Variants in JHY observed in about 807,000 individuals in gnomAD.
JHY encodes the protein junctional cadherin complex regulator, also known as jhy protein homolog.
JHY carries 69 observed loss-of-function variants against 78.0 expected under a neutral mutation model. That is an observed-to-expected ratio of 0.88 (90% CI 0.73 to 1.08). The LOEUF is 1.08. JHY is among the 50% of genes least tolerant of loss of function. The pLI, the probability that JHY is intolerant of heterozygous loss-of-function variation, is 0.00. For synonymous variants in JHY, 368 were observed against 342.6 expected (o/e 1.07, Z -0.82); for missense variants, 944 against 927.8 (o/e 1.02, Z -0.23).
intron 1 of JHY, among the ~76,000 whole-genome samples, chr11:122,885,370 G>A (rs562072567): frequency 9.9e-5 from 15 of 152,078 alleles, no homozygotes; most frequent in Non-Finnish European, 1.5e-4. Context: ...GAATAACTAC[G>A]GACCATATTT....
chr11:122,886,496 G>A (rs549819496), intron 2 of JHY, among the ~76,000 whole-genome samples: 118 of 152,344 alleles, frequency 7.7e-4, no homozygotes, highest in Non-Finnish European at 1.5e-3. Context: ...AGAAAGCCGG[G>A]TATGGAAAAG....
At chr11:122,939,997 G>C (rs571542014) in intron 5 of JHY, among the ~76,000 whole-genome samples, 15 of 148,712 alleles carry the variant, frequency 1.0e-4, no homozygotes, top group African/African-American at 3.7e-4. Flanking sequence ...CCAGTATTCA[G>C]TGTTCATACA....
intron 6 of JHY, 27 bp downstream of exon 6, chr11:122,946,819 T>C (rs772414572): frequency 6.3e-7 from 1 of 1,580,892 alleles, no homozygotes; most frequent in Non-Finnish European, 8.6e-7. Context: ...TTTTACCAAG[T>C]AACTCTTCCA....
At chr11:122,910,757 T>G (rs926891469) in intron 3 of JHY, among the ~76,000 whole-genome samples, 34 of 152,226 alleles carry the variant, frequency 2.2e-4, no homozygotes, top group African/African-American at 7.7e-4. Context: ...CACCCCTGAT[T>G]GCTAACCTCC....
At chr11:122,954,099 T>C (rs949630252) in intron 6 of JHY, among the ~76,000 whole-genome samples, 1 of 152,242 alleles carries the variant, frequency 6.6e-6, no homozygotes, top group African/African-American at 2.4e-5. Context: ...TTCATTCTTC[T>C]TACATACAAT....
At chr11:122,924,654 A>T (rs919842887) in intron 3 of JHY, among the ~76,000 whole-genome samples, 1 of 152,212 alleles carries the variant, frequency 6.6e-6, no homozygotes, top group African/African-American at 2.4e-5. Context: ...CATGTAAAGT[A>T]AGTAATAGTT....
At chr11:122,899,180 C>T (rs1043087593) in intron 2 of JHY, among the ~76,000 whole-genome samples, 1 of 152,220 alleles carries the variant, frequency 6.6e-6, no homozygotes, top group African/African-American at 2.4e-5. Context: ...CGCTGCTTCA[C>T]CATCTACCAC....
chr11:122,942,219 G>T (rs2135366752), intron 5 of JHY, among the ~76,000 whole-genome samples: 1 of 152,176 alleles, frequency 6.6e-6, no homozygotes, highest in East Asian at 1.9e-4. Context: ...TAACTCAGAA[G>T]AAACCACAAT....
intron 5 of JHY, among the ~76,000 whole-genome samples, chr11:122,942,118 C>T (rs1863886093): frequency 6.6e-6 from 1 of 151,910 alleles, no homozygotes; most frequent in Non-Finnish European, 1.5e-5. Context: ...GTGATCCACC[C>T]ACCTCGGCCT....
chr11:122,946,414 A>T, intron 5 of JHY, 84 bp from the exon 6 acceptor site: 1 of 1,378,114 alleles, frequency 7.3e-7, no homozygotes, highest in Non-Finnish European at 9.8e-7. Context: ...ACATCAAATT[A>T]ATGGTTCATA....
intron 3 of JHY, chr11:122,905,406 G>A (rs1862967085): frequency 4.9e-6 from 7 of 1,439,624 alleles, no homozygotes; most frequent in Non-Finnish European, 6.4e-6. Flanking sequence ...CAAAGGAGAG[G>A]TTATTATGTT....
chr11:122,963,492 C>T lies in JHY; in HGVS notation c.*4047C>T, dbSNP rs977891796. Among the ~76,000 whole-genome samples the T allele has an allele frequency of 3.3e-5, 5 of 152,300 alleles. No homozygotes were observed. The highest frequency in any genetic ancestry group is 3.4e-3 in the Middle Eastern group (1 of 294). ...CAAAGTGGCCCTTCATTTGGCTCCACGTCATCTCACAATAGTGAAATACAG... is the reference window on the plus strand; with the variant it reads ...CAAAGTGGCCCTTCATTTGGCTCCATGTCATCTCACAATAGTGAAATACAG... On this transcript the variant is annotated 3_prime_UTR_variant, in exon 9 of 9. Coordinates refer to ENST00000227349, the MANE Select transcript of JHY (RefSeq NM_024806.4).
At chr11:122,949,748 T>G (rs549964461) in intron 6 of JHY, among the ~76,000 whole-genome samples, 1 of 152,152 alleles carries the variant, frequency 6.6e-6, no homozygotes, top group African/African-American at 2.4e-5. Context: ...GCCCACGCTG[T>G]GGAATCTGCA....
At chr11:122,958,637 A>T (rs1379319314) in intron 8 of JHY, 14 of 763,000 alleles carry the variant, frequency 1.8e-5, no homozygotes, top group Non-Finnish European at 2.2e-5. Context: ...AAACTGTTAT[A>T]AAGGCAGGTT....
chr11:122,899,775 G>A (rs1862810211), intron 2 of JHY, among the ~76,000 whole-genome samples: 1 of 152,190 alleles, frequency 6.6e-6, no homozygotes, highest in African/African-American at 2.4e-5. Flanking sequence ...TCAGTCCTGA[G>A]AAATAAAACA....
intron 3 of JHY, among the ~76,000 whole-genome samples, chr11:122,911,186 G>T (rs1404537771): frequency 2.0e-5 from 3 of 152,174 alleles, no homozygotes; most frequent in East Asian, 3.8e-4. Flanking sequence ...GACTGATGAA[G>T]GTGAAATTTA....
At chr11:122,916,117 T>C (rs962498343) in intron 3 of JHY, among the ~76,000 whole-genome samples, 28 of 152,118 alleles carry the variant, frequency 1.8e-4, no homozygotes, top group African/African-American at 5.3e-4. Flanking sequence ...TAATATTCCA[T>C]AGCAAAGTTA....
intron 6 of JHY, among the ~76,000 whole-genome samples, chr11:122,950,102 G>A (rs537205506): frequency 2.6e-5 from 4 of 152,166 alleles, no homozygotes; most frequent in African/African-American, 4.8e-5. Context: ...CCAAATTGCC[G>A]GAATTACAGG....
chr11:122,892,137 G>A (rs1261935879), intron 2 of JHY, among the ~76,000 whole-genome samples: 1 of 152,102 alleles, frequency 6.6e-6, no homozygotes, highest in African/African-American at 2.4e-5. Context: ...CATGCAGTGA[G>A]GTCTGCAGTG....
Sources: allele counts gnomAD v4.1 joint callset (sites outside exome capture counted in the v4.1 genomes callset), GRCh38; gene constraint gnomAD v4.1.1; transcripts MANE v1.5; gene names NCBI Gene and HGNC (gene_info 2026-07-23, HGNC 2026-07-21).